FRMPD4: variants seen among roughly 807,000 people sequenced by gnomAD.
FRMPD4 encodes FERM and PDZ domain-containing protein 4.
Under a neutral mutation model 94.1 loss-of-function variants are expected in FRMPD4, and 22 were observed. That is an observed-to-expected ratio of 0.23 (90% confidence interval 0.17 to 0.33). FRMPD4 has a LOEUF of 0.33. Ranked by LOEUF, FRMPD4 falls within the 10% of genes least tolerant of loss-of-function variation. The pLI, the probability that FRMPD4 is intolerant of heterozygous loss-of-function variation, is 1.00. For synonymous variants in FRMPD4, 631 were observed against 548.6 expected, an observed-to-expected ratio of 1.15 and a Z score of -2.10; for missense variants, 1,111 against 1,339.9, an observed-to-expected ratio of 0.83 and a Z score of 2.67.
At chrX:12,573,431 A>G (rs897219903) in intron 2 of FRMPD4, among the ~76,000 whole-genome samples, 1 of 112,568 alleles carries the variant, frequency 8.9e-6, no homozygotes, top group African/African-American at 3.2e-5. Flanking sequence ...GGAATCTTAG[A>G]GTGAAGTGGG....
chrX:12,573,515 A>G (rs1022523964), intron 2 of FRMPD4, among the ~76,000 whole-genome samples: 1 of 112,231 alleles, frequency 8.9e-6, no homozygotes, highest in African/African-American at 3.2e-5. Flanking sequence ...GACTAAATTC[A>G]TTTACAGTGG....
At chrX:11,912,589 T>C (rs1255271065) in intron 3 of FRMPD4, among the ~76,000 whole-genome samples, 1 of 111,876 alleles carries the variant, frequency 8.9e-6, no homozygotes, top group Non-Finnish European at 1.9e-5. Context: ...GTCCTGTGTG[T>C]ACATGGTAAC....
At chrX:12,264,868 T>G (rs1242232769) in intron 1 of FRMPD4, among the ~76,000 whole-genome samples, 6 of 112,317 alleles carry the variant, frequency 5.3e-5, no homozygotes, top group Non-Finnish European at 1.1e-4. Context: ...TGAAATATAC[T>G]TAGAAAAATG....
chrX:12,123,123 C>CTTTTTTTTTTTT (rs58251577), intron 3 of FRMPD4, among the ~76,000 whole-genome samples: 15 of 84,293 alleles, frequency 1.8e-4, no homozygotes, highest in Non-Finnish European at 2.8e-4. Flanking sequence ...ATTTTCTTTT[C>CTTTTTTTTTTTT]TTTTTTTTTT....
intron 3 of FRMPD4, among the ~76,000 whole-genome samples, chrX:12,068,103 G>T (rs771221209): frequency 3.3e-4 from 37 of 111,387 alleles, no homozygotes; most frequent in African/African-American, 1.2e-3. Flanking sequence ...ATGATTTGAA[G>T]ATGCTATGCT....
At chrX:12,212,558 A>G (rs2056766370) in intron 1 of FRMPD4, among the ~76,000 whole-genome samples, 1 of 111,432 alleles carries the variant, frequency 9.0e-6, no homozygotes, top group Non-Finnish European at 1.9e-5. Flanking sequence ...GTTGACAACC[A>G]GCCTAGACTT....
At chrX:11,894,626 C>T (rs1424019906) in intron 3 of FRMPD4, among the ~76,000 whole-genome samples, 2 of 112,011 alleles carry the variant, frequency 1.8e-5, no homozygotes, top group Non-Finnish European at 3.8e-5. Flanking sequence ...TTAAAGCCTC[C>T]ATCAGATTCC....
At chrX:11,822,961 A>T (rs2053420985) in intron 1 of FRMPD4, among the ~76,000 whole-genome samples, 1 of 111,701 alleles carries the variant, frequency 9.0e-6, no homozygotes, top group African/African-American at 3.3e-5. Flanking sequence ...TTGGCATAGG[A>T]AAGTTGAAAA....
chrX:12,147,553 CTGGTATAGA>C (rs1457764664), intron 1 of FRMPD4, among the ~76,000 whole-genome samples: 2 of 111,708 alleles, frequency 1.8e-5, no homozygotes, highest in Non-Finnish European at 3.8e-5. Context: ...CAATGGCTGA[CTGGTATAGA>C]TGGTATTATA....
intron 2 of FRMPD4, among the ~76,000 whole-genome samples, chrX:12,531,638 A>T (rs2058286944): frequency 1.8e-5 from 2 of 111,630 alleles, no homozygotes; most frequent in African/African-American, 6.5e-5. Flanking sequence ...GTATCATTCA[A>T]TATTGGTGAC....
chrX:12,248,760 C>A (rs1016708949), intron 1 of FRMPD4, among the ~76,000 whole-genome samples: 3 of 112,193 alleles, frequency 2.7e-5, no homozygotes, highest in African/African-American at 9.7e-5. Flanking sequence ...AAAACAAGGC[C>A]TGGTGCAGTG....
At chrX:12,698,408 A>C (rs1232857111) in intron 9 of FRMPD4, among the ~76,000 whole-genome samples, 1 of 111,548 alleles carries the variant, frequency 9.0e-6, no homozygotes, top group African/African-American at 3.3e-5. Flanking sequence ...AGTAAGACCT[A>C]AGAGGCTCCA....
At chrX:12,390,701 TATG>T (rs1226932581) in intron 1 of FRMPD4, among the ~76,000 whole-genome samples, 9 of 111,957 alleles carry the variant, frequency 8.0e-5, no homozygotes, top group African/African-American at 2.9e-4. Context: ...GACATTACCT[TATG>T]ATGTTTGTCA....
At chrX:12,602,604 A>G (rs111394229) in intron 2 of FRMPD4, among the ~76,000 whole-genome samples, 3,254 of 112,225 alleles carry the variant, frequency 0.029, 107 homozygotes, top group African/African-American at 0.1. Context: ...TTTACAGACT[A>G]GATGCATGAG....
intron 1 of FRMPD4, among the ~76,000 whole-genome samples, chrX:12,229,195 T>A (rs1304252618): frequency 8.9e-6 from 1 of 111,956 alleles, no homozygotes; most frequent in Non-Finnish European, 1.9e-5. Context: ...AATTGTGATG[T>A]GAGCAAAGGT....
chrX:11,967,195 T>C (rs2054313875), intron 3 of FRMPD4, among the ~76,000 whole-genome samples: 1 of 112,240 alleles, frequency 8.9e-6, no homozygotes, highest in Non-Finnish European at 1.9e-5. Flanking sequence ...AAGCAATCCT[T>C]TCCCCTCAGC....
At chrX:12,117,562 C>T (rs1349911350) in intron 3 of FRMPD4, among the ~76,000 whole-genome samples, 1 of 111,625 alleles carries the variant, frequency 9.0e-6, no homozygotes, top group Admixed American at 9.5e-5. Flanking sequence ...CCAATTATTC[C>T]CCCAAATAAA....
chrX:12,573,113 A>G (rs2058775477), intron 2 of FRMPD4, among the ~76,000 whole-genome samples: 1 of 111,883 alleles, frequency 8.9e-6, no homozygotes, highest in African/African-American at 3.2e-5. Context: ...CTAAAGAAGT[A>G]TATTTAAGGG....
At chrX:12,013,194 T>A (rs1476955345) in intron 3 of FRMPD4, among the ~76,000 whole-genome samples, 1 of 111,951 alleles carries the variant, frequency 8.9e-6, no homozygotes, top group African/African-American at 3.2e-5. Flanking sequence ...AATCACAAGC[T>A]TAGCATTGTA....
Sources: allele counts gnomAD v4.1 joint callset (sites outside exome capture counted in the v4.1 genomes callset), GRCh38; gene constraint gnomAD v4.1.1; transcripts MANE v1.5; gene names NCBI Gene and HGNC (gene_info 2026-07-23, HGNC 2026-07-21).